The following SLC8A1 variants were observed in gnomAD, a reference collection of about 807,000 sequenced individuals.
The protein encoded by SLC8A1 is solute carrier family 8 member A1.
SLC8A1 carries 18 observed loss-of-function variants against 68.3 expected under a neutral mutation model. That is an observed-to-expected ratio of 0.26 (90% CI 0.18 to 0.39). The LOEUF is 0.39. Ranked by LOEUF, SLC8A1 falls within the 10% of genes least tolerant of loss-of-function variation. SLC8A1 has a pLI of 1.00. For missense variants in SLC8A1, 985 were observed against 1,156.7 expected (o/e 0.85, Z 2.15); for synonymous variants, 475 against 415.5 (o/e 1.14, Z -1.74).
intron 2 of SLC8A1, among the ~76,000 whole-genome samples, chr2:40,332,169 C>T (rs1467879123): frequency 6.6e-6 from 1 of 152,034 alleles, no homozygotes. Context: ...CTTGGCAACA[C>T]CGTAAGTATT....
intron 2 of SLC8A1, among the ~76,000 whole-genome samples, chr2:40,283,428 C>A (rs552281067): frequency 6.6e-6 from 1 of 152,244 alleles, no homozygotes; most frequent in African/African-American, 2.4e-5. Flanking sequence ...AGTATTAAGA[C>A]CCAGATGGTT....
chr2:40,127,726 G>T (rs2038439853), intron 7 of SLC8A1, among the ~76,000 whole-genome samples: 1 of 152,178 alleles, frequency 6.6e-6, no homozygotes, highest in Admixed American at 6.5e-5. Flanking sequence ...GGAGGACTAT[G>T]CCAAAAAGTC....
chr2:40,270,256 C>G lies in SLC8A1; in HGVS notation c.1809-92401G>C, dbSNP rs562752345. Among the ~76,000 whole-genome samples the G allele has an allele frequency of 1.7e-4, 26 of 152,326 alleles. 1 individual carries two copies. The South Asian group carries it at 5.2e-3, about 30-fold the overall frequency. On this transcript the variant is annotated intron_variant, in intron 2 of 7. Coordinates refer to ENST00000406785, the Ensembl canonical transcript of SLC8A1. The stretch of plus-strand genomic sequence containing the variant: ...CCTAGCTTCAGATCCACAGTGGTGC[C>G]AGAAGCACTACCAAGGAGGATGGTG...
At chr2:40,126,601 C>G (rs530486381) in intron 7 of SLC8A1, among the ~76,000 whole-genome samples, 1 of 152,164 alleles carries the variant, frequency 6.6e-6, no homozygotes, top group East Asian at 1.9e-4. Flanking sequence ...GGGACTAGAC[C>G]TGCCTGAGTA....
chr2:40,324,038 G>T (rs1029566715), intron 2 of SLC8A1, among the ~76,000 whole-genome samples: 4 of 151,102 alleles, frequency 2.6e-5, no homozygotes, highest in Non-Finnish European at 5.9e-5. Context: ...TGGGGGGGGG[G>T]CTGTTAACAA....
intron 2 of SLC8A1, among the ~76,000 whole-genome samples, chr2:40,361,140 T>A (rs1383600545): frequency 6.6e-6 from 1 of 152,070 alleles, no homozygotes; most frequent in Admixed American, 6.6e-5. Flanking sequence ...ACCATGGCAT[T>A]CGGGTGTTAA....
exon 8 of SLC8A1, chr2:40,111,842 C>A (rs1558388203): frequency 6.6e-6 from 1 of 152,086 alleles, no homozygotes; most frequent in Non-Finnish European, 1.5e-5. Flanking sequence ...TTGGGATCGA[C>A]TGATTTGATG....
rs561944513 is a variant in SLC8A1, at chr2:40,318,857, AGTT to A, written c.1808+109613_1808+109615del. On this transcript the variant is annotated intron_variant, in intron 2 of 7. Coordinates refer to ENST00000406785, the Ensembl canonical transcript of SLC8A1. ...ACGCTTAGGAAAGTTATTCTCTGGAAGTTGTTCTTTTTTTTCCCTCAACTTTTC... is the reference window on the plus strand; with the variant it reads ...ACGCTTAGGAAAGTTATTCTCTGGAAGTTCTTTTTTTTCCCTCAACTTTTC... 3.3e-3 allele frequency among the ~76,000 whole-genome samples: 496 copies of A among 152,206 alleles called. 1 individual carries two copies. Among genetic ancestry groups the A allele is most frequent in the African/African-American group, 0.011 (466 of 41,554 alleles).
At chr2:40,213,816 G>C (rs2057015474) in intron 2 of SLC8A1, among the ~76,000 whole-genome samples, 1 of 152,192 alleles carries the variant, frequency 6.6e-6, no homozygotes, top group African/African-American at 2.4e-5. Flanking sequence ...AAGCGCTGGG[G>C]ATATTACACT....
chr2:40,427,090 C>T (rs372769295), intron 2 of SLC8A1, among the ~76,000 whole-genome samples: 17 of 152,034 alleles, frequency 1.1e-4, no homozygotes, highest in African/African-American at 3.6e-4. Flanking sequence ...AGATATTAAT[C>T]AAAACACTTT....
intron 2 of SLC8A1, among the ~76,000 whole-genome samples, chr2:40,419,139 C>G (rs1694759758): frequency 6.6e-6 from 1 of 152,328 alleles, no homozygotes; most frequent in South Asian, 2.1e-4. Flanking sequence ...GTCACAGCAT[C>G]TTGCAAGGGG....
At chr2:40,236,143 C>A (rs562249995) in intron 2 of SLC8A1, among the ~76,000 whole-genome samples, 1 of 152,058 alleles carries the variant, frequency 6.6e-6, no homozygotes, top group Non-Finnish European at 1.5e-5. Context: ...GAGTTCAATT[C>A]CTGGGTATCC....
exon 8 of SLC8A1, chr2:40,104,926 A>G (rs980534167): frequency 6.6e-6 from 1 of 151,730 alleles, no homozygotes; most frequent in Non-Finnish European, 1.5e-5. Flanking sequence ...TCCAGTTGAT[A>G]TTTATCTTGT....
At chr2:40,166,751 C>A (rs1490140064) in intron 4 of SLC8A1, among the ~76,000 whole-genome samples, 3 of 152,140 alleles carry the variant, frequency 2.0e-5, no homozygotes, top group African/African-American at 7.2e-5. Context: ...GCTTTGTGAT[C>A]CTTGAACCCA....
chr2:40,416,559 C>T (rs972211628), intron 2 of SLC8A1, among the ~76,000 whole-genome samples: 5 of 152,066 alleles, frequency 3.3e-5, no homozygotes, highest in Non-Finnish European at 5.9e-5. Context: ...GGACAGCAAA[C>T]ATTTTTGAGA....
At position 40,283,160 on chromosome 2, in the gene SLC8A1, T is replaced by C. The variant is rs543786671; in HGVS notation, c.1809-105305A>G. Among the ~76,000 whole-genome samples the C allele has an allele frequency of 2.0e-5, 3 of 152,136 alleles. No individual in the cohort carries two copies. The South Asian group carries it at 6.2e-4, about 31-fold the overall frequency. The stretch of plus-strand genomic sequence containing the variant: ...TCCACTCTGTTAAAATAAAATAAAA[T>C]CCAAAAACATTAAATGTTTTCCTTT... On this transcript the variant is annotated intron_variant, in intron 2 of 7. Coordinates refer to ENST00000406785, the Ensembl canonical transcript of SLC8A1.
intron 2 of SLC8A1, among the ~76,000 whole-genome samples, chr2:40,205,137 A>G (rs2055146575): frequency 6.6e-6 from 1 of 152,066 alleles, no homozygotes. Flanking sequence ...TAAAAATACA[A>G]CATGCATAAG....
chr2:40,447,402 T>C (rs953626535), intron 1 of SLC8A1, among the ~76,000 whole-genome samples: 3 of 152,010 alleles, frequency 2.0e-5, no homozygotes, highest in Non-Finnish European at 4.4e-5. Flanking sequence ...CTACTCTCTA[T>C]CCCTCCCCAT....
At chr2:40,202,602 T>A (rs531328955) in intron 2 of SLC8A1, among the ~76,000 whole-genome samples, 2 of 151,966 alleles carry the variant, frequency 1.3e-5, no homozygotes, top group Non-Finnish European at 2.9e-5. Flanking sequence ...TCTAAGCTAA[T>A]AGCATTTCTC....
Sources: gnomAD v4.1 joint callset for allele counts (sites outside exome capture counted in the v4.1 genomes callset) on GRCh38, gnomAD v4.1.1 for gene constraint, MANE v1.5 for transcripts, NCBI Gene and HGNC (gene_info 2026-07-23, HGNC 2026-07-21) for gene names.